Variants in CFAP47 observed in about 807,000 individuals in gnomAD.
The protein encoded by CFAP47 is cilia and flagella associated protein 47.
CFAP47 carries 29 observed loss-of-function variants against 148.1 expected under a neutral mutation model. The ratio of observed to expected loss-of-function variants is 0.20; its 90% confidence interval spans 0.15 to 0.27. The LOEUF is 0.27. CFAP47 is among the 10% of genes least tolerant of loss of function. The probability of loss-of-function intolerance (pLI) is 1.00; values close to 1 mark genes in which losing one functional copy is unlikely to be tolerated. For missense variants in CFAP47, 1,872 were observed against 1,697.5 expected, an observed-to-expected ratio of 1.10 and a Z score of -1.81; for synonymous variants, 664 against 577.3, an observed-to-expected ratio of 1.15 and a Z score of -2.15.
intron 45 of CFAP47, among the ~76,000 whole-genome samples, chrX:36,227,443 A>G (rs1337098812): frequency 8.9e-6 from 1 of 112,196 alleles, no homozygotes; most frequent in East Asian, 2.8e-4. Context: ...AATATAAGAT[A>G]TGTAACATTA....
chrX:36,340,846 A>G (rs1941645947), intron 57 of CFAP47, among the ~76,000 whole-genome samples: 1 of 111,170 alleles, frequency 9.0e-6, no homozygotes, highest in South Asian at 3.8e-4. Flanking sequence ...ACTACTGGAA[A>G]CACAAAGTAT....
intron 35 of CFAP47, chrX:36,145,011 G>T: frequency 2.3e-6 from 1 of 432,162 alleles, no homozygotes; most frequent in Non-Finnish European, 3.8e-6. Flanking sequence ...GCCTACTGTG[G>T]GACTTCGCCT....
rs781901255 is a variant in CFAP47, at chrX:36,286,202, A to C, written c.7686+476A>C. Among the ~76,000 whole-genome samples the C allele has an allele frequency of 6.4e-3, 720 of 111,671 alleles. 1 individual carries two copies. The highest frequency in any genetic ancestry group is 0.022 in the African/African-American group (694 of 30,928). ...CTAAAATGTTACTAAATTTGTGTCA[A>C]AAATTATTTAATAAAGTTAAATATT... On this transcript the variant is annotated intron_variant, in intron 51 of 63. Transcript: ENST00000378653.
intron 29 of CFAP47, among the ~76,000 whole-genome samples, chrX:36,075,145 G>T (rs2146764115): frequency 9.0e-6 from 1 of 110,827 alleles, no homozygotes; most frequent in South Asian, 3.8e-4. Flanking sequence ...ATTGGGATAG[G>T]TGGATCATGT....
chrX:36,092,886 C>T (rs1039647228), intron 30 of CFAP47, among the ~76,000 whole-genome samples: 2 of 109,651 alleles, frequency 1.8e-5, no homozygotes, highest in Non-Finnish European at 3.8e-5. Context: ...ATTAATTATC[C>T]CCACTTCCCC....
At chrX:36,341,466 A>G (rs1364370181) in intron 57 of CFAP47, among the ~76,000 whole-genome samples, 1 of 111,629 alleles carries the variant, frequency 9.0e-6, no homozygotes, top group Non-Finnish European at 1.9e-5. Flanking sequence ...TAAAGTGATG[A>G]AAAATGAATT....
intron 48 of CFAP47, among the ~76,000 whole-genome samples, chrX:36,248,134 T>G (rs1940640976): frequency 9.4e-6 from 1 of 106,808 alleles, no homozygotes; most frequent in African/African-American, 3.4e-5. Context: ...TGTATATATA[T>G]TATCATATAT....
intron 57 of CFAP47, among the ~76,000 whole-genome samples, chrX:36,327,085 A>T (rs1160187147): frequency 8.9e-6 from 1 of 111,769 alleles, no homozygotes; most frequent in Non-Finnish European, 1.9e-5. Context: ...TCCATTGCAA[A>T]AAAAACAAAA....
chrX:35,967,935 T>C (rs1936433853), intron 10 of CFAP47, 103 bp downstream of exon 10: 1 of 206,159 alleles, frequency 4.9e-6, no homozygotes, highest in East Asian at 8.3e-5. Context: ...ATGATTACAA[T>C]AATAATAATA....
Position 36,049,752 on chromosome X carries a change from G to A in CFAP47, c.4217+2689G>A, listed in dbSNP as rs190834200. On this transcript the variant is annotated intron_variant, in intron 26 of 63. Coordinates refer to ENST00000378653, the MANE Select transcript of CFAP47 (RefSeq NM_001304548.2). ...CAATGACATCAGGAGCAATGGACCC[G>A]CACATTTGTTATTGGCCGGTGTTCA... 6.3e-3 allele frequency among the ~76,000 whole-genome samples: 709 copies of A among 111,803 alleles called. 4 individuals are homozygous for A. Among genetic ancestry groups the A allele is most frequent in the African/African-American group, 0.021 (634 of 30,807 alleles).
intron 42 of CFAP47, among the ~76,000 whole-genome samples, chrX:36,193,832 G>A (rs1203358978): frequency 1.8e-5 from 2 of 111,385 alleles, no homozygotes; most frequent in African/African-American, 6.5e-5. Flanking sequence ...TAAACATGAA[G>A]AGAAAAATCT....
At chrX:36,252,626 A>G (rs1555998390) in intron 49 of CFAP47, among the ~76,000 whole-genome samples, 1 of 111,730 alleles carries the variant, frequency 9.0e-6, no homozygotes, top group Non-Finnish European at 1.9e-5. Flanking sequence ...CAAACATTTC[A>G]ATAAAGTAAC....
intron 62 of CFAP47, among the ~76,000 whole-genome samples, chrX:36,369,136 A>G (rs1941906284): frequency 8.9e-6 from 1 of 111,748 alleles, no homozygotes; most frequent in Non-Finnish European, 1.9e-5. Context: ...CAGTTTCTAC[A>G]GAAATATACA....
chrX:36,039,419 G>A (rs955975999), intron 25 of CFAP47, among the ~76,000 whole-genome samples: 3 of 112,061 alleles, frequency 2.7e-5, no homozygotes, highest in Non-Finnish European at 5.6e-5. Context: ...GAAGTAATAA[G>A]CAAGCCTAAA....
intron 22 of CFAP47, among the ~76,000 whole-genome samples, chrX:36,025,829 T>C (rs941589004): frequency 4.5e-5 from 5 of 111,423 alleles, no homozygotes; most frequent in African/African-American, 1.6e-4. Context: ...TACATTTGGG[T>C]GAGCTGTTTA....
chrX:36,371,700 A>ATG lies in CFAP47; in HGVS notation c.9185+4577_9185+4578dup, dbSNP rs781895688. Among the ~76,000 whole-genome samples, 73 of 54,443 alleles carry ATG rather than the reference A, an allele frequency of 1.3e-3. 3 individuals are homozygous for ATG. The highest frequency in any genetic ancestry group is 9.3e-3 in the African/African-American group (59 of 6,316). The allele number at this position is 54,443 out of a possible 115,157, so 47.3% of individuals were successfully genotyped here. ...TGTATATATGTGTGTATATACACAC[A>ATG]TGTGTATATATGTGTGTATATACAC... On this transcript the variant is annotated intron_variant, in intron 62 of 63. Coordinates refer to ENST00000378653, the MANE Select transcript of CFAP47 (RefSeq NM_001304548.2).
chrX:36,032,017 T>A (rs1306636800), intron 23 of CFAP47, among the ~76,000 whole-genome samples: 1 of 111,348 alleles, frequency 9.0e-6, no homozygotes, highest in Admixed American at 9.6e-5. Context: ...AAAATTATAG[T>A]TAGAGATCAA....
intron 46 of CFAP47, among the ~76,000 whole-genome samples, chrX:36,232,052 A>C (rs1335528457): frequency 1.8e-5 from 2 of 111,312 alleles, no homozygotes; most frequent in African/African-American, 6.5e-5. Flanking sequence ...AATGTTCATC[A>C]AGGATATTGG....
At chrX:36,214,534 G>T (rs1555989929) in intron 45 of CFAP47, among the ~76,000 whole-genome samples, 1 of 111,301 alleles carries the variant, frequency 9.0e-6, no homozygotes, top group East Asian at 2.8e-4. Context: ...GTTGACTCTT[G>T]TAATAAAACT....
Sources: gnomAD v4.1 joint callset for allele counts (sites outside exome capture counted in the v4.1 genomes callset) on GRCh38, gnomAD v4.1.1 for gene constraint, MANE v1.5 for transcripts, NCBI Gene and HGNC (gene_info 2026-07-23, HGNC 2026-07-21) for gene names.